TENM3: variants seen among roughly 807,000 people sequenced by gnomAD.
The protein encoded by TENM3 is teneurin transmembrane protein 3, also known as teneurin-3.
TENM3 carries 63 observed loss-of-function variants against 255.1 expected under a neutral mutation model. That is an observed-to-expected ratio of 0.25 (90% CI 0.20 to 0.30). The LOEUF (loss-of-function observed/expected upper bound fraction) is 0.30, where lower values mean the gene tolerates loss of function less well. TENM3 is among the 10% of genes least tolerant of loss of function. The pLI, the probability that TENM3 is intolerant of heterozygous loss-of-function variation, is 1.00. For missense variants in TENM3, 2,929 were observed against 3,461.1 expected, an observed-to-expected ratio of 0.85 and a Z score of 3.86; for synonymous variants, 1,306 against 1,322.3, an observed-to-expected ratio of 0.99 and a Z score of 0.27.
At chr4:181,919,374 G>GGTGTGTGTGTGTGT in the TENM3 span, among the ~76,000 whole-genome samples, 9,477 of 146,736 alleles carry the variant, frequency 0.065, 395 homozygotes, top group South Asian at 0.17. Flanking sequence ...AAGCAAAGCA[G>GGTGTGTGTGTGTGT]GTGTGTGTGT....
intron 19 of TENM3, among the ~76,000 whole-genome samples, chr4:182,744,472 C>G (rs934219484): frequency 6.6e-6 from 1 of 152,152 alleles, no homozygotes; most frequent in African/African-American, 2.4e-5. Context: ...CCGACACAAT[C>G]TAAGCCATGT....
At chr4:182,138,404 T>TGTTTC in the TENM3 span, among the ~76,000 whole-genome samples, 3 of 152,326 alleles carry the variant, frequency 2.0e-5, no homozygotes, top group South Asian at 6.2e-4. Context: ...AATCCTCAAA[T>TGTTTC]GTTTCAAATA....
chr4:182,407,518 G>A (rs1769665640), intron 3 of TENM3, among the ~76,000 whole-genome samples: 1 of 152,140 alleles, frequency 6.6e-6, no homozygotes, highest in African/African-American at 2.4e-5. Context: ...CACATTGTTT[G>A]TAACTTTTTA....
chr4:182,479,345 C>G (rs1265554769), intron 3 of TENM3, among the ~76,000 whole-genome samples: 4 of 151,736 alleles, frequency 2.6e-5, no homozygotes, highest in Non-Finnish European at 1.5e-5. Flanking sequence ...TTTATATTAA[C>G]TTACCTTTTT....
rs56010608 is a variant in TENM3 at position 182,736,590 on chromosome 4, A to G, written c.2968-218A>G. On this transcript the variant is annotated intron_variant, in intron 16 of 27. Transcript: ENST00000511685. ...GAGTTATTTTTAATTATTGAATAAG[A>G]TAACAGCTCAAATGCATATTTGTGA... 0.15 allele frequency among the ~76,000 whole-genome samples: 23,145 copies of G among 152,212 alleles called. 2,380 individuals carry two copies. The highest frequency in any genetic ancestry group is 0.22 in the Non-Finnish European group (15,228 of 68,000).
At chr4:181,679,774 A>G in the TENM3 span, among the ~76,000 whole-genome samples, 1 of 152,180 alleles carries the variant, frequency 6.6e-6, no homozygotes, top group Non-Finnish European at 1.5e-5. Flanking sequence ...TGCATTTGTT[A>G]TAATAATATA....
chr4:181,459,854 G>T, the TENM3 span, among the ~76,000 whole-genome samples: 3 of 151,862 alleles, frequency 2.0e-5, no homozygotes, highest in Admixed American at 2.0e-4. Context: ...TCAAAAACCT[G>T]TTGAAATTTT....
the TENM3 span, among the ~76,000 whole-genome samples, chr4:181,512,352 G>A: frequency 6.6e-6 from 1 of 152,162 alleles, no homozygotes; most frequent in African/African-American, 2.4e-5. Context: ...AAAGCATAGT[G>A]CAGCAGCTTG....
chr4:182,390,635 C>A, intron 3 of TENM3, among the ~76,000 whole-genome samples: 1 of 152,204 alleles, frequency 6.6e-6, no homozygotes, highest in East Asian at 1.9e-4. Context: ...TGATGTGGCA[C>A]TACTGACACT....
chr4:181,648,636 T>C, the TENM3 span, among the ~76,000 whole-genome samples: 6 of 152,202 alleles, frequency 3.9e-5, no homozygotes, highest in Admixed American at 6.5e-5. Flanking sequence ...AACTTAATAT[T>C]ATTTTCTTAG....
chr4:182,323,970 G>A lies in TENM3; in HGVS notation c.-51G>A. The A allele has an allele frequency of 6.6e-7, 1 of 1,523,062 alleles. No individual in the cohort carries two copies. The highest frequency in any genetic ancestry group is 9.0e-7 in the Non-Finnish European group (1 of 1,111,138). 94.3% of individuals were successfully genotyped at this position (1,523,062 alleles called of 1,614,324 possible). On this transcript the variant is annotated 5_prime_UTR_variant, in exon 2 of 28. It removes the in-frame stop codon of an upstream open reading frame in the 5' UTR. Coordinates refer to ENST00000511685, the MANE Select transcript of TENM3 (RefSeq NM_001080477.4). ...GAGAGGCCAATGAGACTTGAACCCT[G>A]AGCCTAAGTTGTCACCAGCAGGACT...
chr4:181,575,884 A>G, the TENM3 span, among the ~76,000 whole-genome samples: 1 of 152,202 alleles, frequency 6.6e-6, no homozygotes, highest in Non-Finnish European at 1.5e-5. Context: ...CCTTCCTTGC[A>G]GTTAGACATG....
intron 13 of TENM3, among the ~76,000 whole-genome samples, chr4:182,728,195 A>G (rs1310955670): frequency 5.3e-5 from 8 of 152,158 alleles, no homozygotes; most frequent in South Asian, 4.1e-4. Flanking sequence ...CATCCATTTT[A>G]TATTGATTTG....
the TENM3 span, among the ~76,000 whole-genome samples, chr4:181,831,967 ATT>A: frequency 1.3e-5 from 1 of 75,716 alleles, no homozygotes; most frequent in Non-Finnish European, 2.7e-5. Context: ...TATATATTAC[ATT>A]GTGTGTGTGT....
chr4:182,027,892 T>A, the TENM3 span, among the ~76,000 whole-genome samples: 1 of 151,860 alleles, frequency 6.6e-6, no homozygotes, highest in African/African-American at 2.4e-5. Context: ...GATTTTTGCA[T>A]CAATATTCAT....
At chr4:182,564,448 C>T (rs1468088553) in intron 3 of TENM3, among the ~76,000 whole-genome samples, 2 of 152,184 alleles carry the variant, frequency 1.3e-5, no homozygotes, top group Non-Finnish European at 2.9e-5. Flanking sequence ...ACCACCATGC[C>T]TGGGCAGTGA....
In TENM3 at chr4:182,494,941, G is replaced by T. The variant is rs561023967; in HGVS notation, c.512-105983G>T. ...TGGGAAGTACTATTGGAGGTCTTTA[G>T]CCTCTAGTGCAGTAGCACCAAGTGG... On this transcript the variant is annotated intron_variant, in intron 3 of 27. Transcript: ENST00000511685. Among the ~76,000 whole-genome samples the T allele has an allele frequency of 1.1e-4, 16 of 152,272 alleles. No homozygotes were observed. The South Asian group carries it at 3.3e-3, about 32-fold the overall frequency.
intron 3 of TENM3, among the ~76,000 whole-genome samples, chr4:182,487,521 G>A (rs1029034258): frequency 1.3e-5 from 2 of 152,038 alleles, no homozygotes; most frequent in African/African-American, 4.8e-5. Context: ...TGGAACCTTG[G>A]TGTATTAAGT....
chr4:182,358,953 C>T (rs1248662365), intron 3 of TENM3, among the ~76,000 whole-genome samples: 2 of 151,868 alleles, frequency 1.3e-5, no homozygotes, highest in Admixed American at 6.6e-5. Context: ...TGTCAAAGGC[C>T]TTTCCTGCAT....
Sources: gnomAD v4.1 joint callset for allele counts (sites outside exome capture counted in the v4.1 genomes callset) on GRCh38, gnomAD v4.1.1 for gene constraint, MANE v1.5 for transcripts, NCBI Gene and HGNC (gene_info 2026-07-23, HGNC 2026-07-21) for gene names.